The following GRM8 variants were observed in gnomAD, a reference collection of about 807,000 sequenced individuals.
GRM8 encodes glutamate metabotropic receptor 8.
A neutral mutation model predicts 87.2 loss-of-function variants in GRM8; 47 were observed. That is an observed-to-expected ratio of 0.54 (90% CI 0.43 to 0.69). The LOEUF (loss-of-function observed/expected upper bound fraction) is 0.69, where lower values mean the gene tolerates loss of function less well. GRM8 is among the 30% of genes least tolerant of loss of function. The pLI, the probability that GRM8 is intolerant of heterozygous loss-of-function variation, is 0.00. For synonymous variants in GRM8, 396 were observed against 404.5 expected (o/e 0.98, Z 0.25); for missense variants, 1,019 against 1,139.2 (o/e 0.89, Z 1.52).
At position 127,146,317 on chromosome 7, in the gene GRM8, G is replaced by A. The variant is rs1383078410; in HGVS notation, c.511-39605C>T. On this transcript the variant is annotated intron_variant, in intron 2 of 10. Transcript: ENST00000339582. ...ACATCAGGGGCACTCTGTCGCTGAA[G>A]AGAGTGTAGGAGATACTTGTGGCAT... Among the ~76,000 whole-genome samples the A allele has an allele frequency of 5.9e-5, 9 of 152,042 alleles. No individual in the cohort carries two copies. In the East Asian group the frequency reaches 1.2e-3, roughly 20 times the overall value.
intron 2 of GRM8, among the ~76,000 whole-genome samples, chr7:127,224,026 A>G (rs1797150809): frequency 6.6e-6 from 1 of 152,108 alleles, no homozygotes; most frequent in Non-Finnish European, 1.5e-5. Flanking sequence ...AACAATCAAA[A>G]TAAATTAGGC....
chr7:126,947,589 T>C (rs1807681889), intron 3 of GRM8, among the ~76,000 whole-genome samples: 1 of 152,014 alleles, frequency 6.6e-6, no homozygotes, highest in Non-Finnish European at 1.5e-5. Context: ...TATATACATA[T>C]ATATGTATAT....
intron 8 of GRM8, among the ~76,000 whole-genome samples, chr7:126,584,520 C>A (rs1022896004): frequency 1.3e-5 from 2 of 152,132 alleles, no homozygotes; most frequent in African/African-American, 4.8e-5. Context: ...CTGAATGTAA[C>A]CAAATTTTAG....
intron 6 of GRM8, among the ~76,000 whole-genome samples, chr7:126,823,543 G>A (rs961211939): frequency 6.6e-6 from 1 of 152,110 alleles, no homozygotes; most frequent in Admixed American, 6.5e-5. Context: ...GGCCACATAT[G>A]TAATTTTAAA....
chr7:126,910,622 C>T (rs1803183729), intron 3 of GRM8, among the ~76,000 whole-genome samples: 1 of 152,152 alleles, frequency 6.6e-6, no homozygotes, highest in Non-Finnish European at 1.5e-5. Flanking sequence ...GGATCTGCCT[C>T]CCAAAATAGT....
At chr7:127,072,121 T>C (rs1412959582) in intron 3 of GRM8, among the ~76,000 whole-genome samples, 2 of 152,064 alleles carry the variant, frequency 1.3e-5, no homozygotes, top group Non-Finnish European at 2.9e-5. Context: ...TCCACCATTC[T>C]GTGTAATATA....
chr7:126,997,514 A>G (rs570787945), intron 3 of GRM8, among the ~76,000 whole-genome samples: 1 of 151,388 alleles, frequency 6.6e-6, no homozygotes, highest in South Asian at 2.1e-4. Flanking sequence ...TTTTAAAGAT[A>G]AGCAAAATTG....
Position 127,033,813 on chromosome 7 carries a change from G to T in GRM8, c.727+72683C>A, listed in dbSNP as rs142504792. Among the ~76,000 whole-genome samples, 18 of 152,252 alleles carry T rather than the reference G, an allele frequency of 1.2e-4. No individual in the cohort carries two copies. In the East Asian group the frequency reaches 3.1e-3, roughly 26 times the overall value. On this transcript the variant is annotated intron_variant, in intron 3 of 10. Transcript: ENST00000339582. ...CATATAAATTCTGGACACATAAAAA[G>T]AATAGACTCCATTAATAATGAAAGC...
rs1389253951 is a variant in GRM8, at chr7:126,442,306, AAC to A, written c.2678-3140_2678-3139del. 2.6e-5 allele frequency among the ~76,000 whole-genome samples: 4 copies of A among 152,194 alleles called. No homozygotes were observed. In the South Asian group the frequency reaches 8.3e-4, roughly 32 times the overall value. On this transcript the variant is annotated intron_variant, in intron 10 of 10. Coordinates refer to ENST00000339582, the MANE Select transcript of GRM8 (RefSeq NM_000845.3). ...TTACATTTGGTTTGGTGTGAAGTGA[AAC>A]ACAATGATTTTCTATGATCACTCAC...
chr7:126,579,383 T>C (rs1795398544), intron 8 of GRM8, among the ~76,000 whole-genome samples: 1 of 152,214 alleles, frequency 6.6e-6, no homozygotes, highest in Non-Finnish European at 1.5e-5. Context: ...CATAAAAAAA[T>C]TCTTTTGATC....
intron 3 of GRM8, among the ~76,000 whole-genome samples, chr7:126,917,087 T>C (rs1803987170): frequency 6.6e-6 from 1 of 152,234 alleles, no homozygotes; most frequent in South Asian, 2.1e-4. Context: ...GGGATGATCC[T>C]ATCCTGGCCT....
At chr7:126,452,949 T>C (rs1221628845) in intron 9 of GRM8, among the ~76,000 whole-genome samples, 1 of 151,656 alleles carries the variant, frequency 6.6e-6, no homozygotes, top group African/African-American at 2.4e-5. Flanking sequence ...ATAGCTTTAT[T>C]GTCATTATTT....
chr7:126,649,276 C>T (rs1353288029), intron 7 of GRM8, among the ~76,000 whole-genome samples: 2 of 152,102 alleles, frequency 1.3e-5, no homozygotes, highest in Non-Finnish European at 2.9e-5. Flanking sequence ...GGCAGACCCA[C>T]CCTTAATATG....
intron 9 of GRM8, among the ~76,000 whole-genome samples, chr7:126,532,369 T>C (rs1221309912): frequency 6.6e-6 from 1 of 152,134 alleles, no homozygotes; most frequent in Admixed American, 6.5e-5. Flanking sequence ...AGTAAGATGG[T>C]TCAGACTGAA....
chr7:126,722,085 T>A (rs1305696461), intron 7 of GRM8, among the ~76,000 whole-genome samples: 2 of 152,140 alleles, frequency 1.3e-5, no homozygotes, highest in African/African-American at 4.8e-5. Context: ...TACTGTTCCA[T>A]CAAATCTGCA....
chr7:127,030,408 G>C (rs1384847118), intron 3 of GRM8, among the ~76,000 whole-genome samples: 1 of 152,074 alleles, frequency 6.6e-6, no homozygotes, highest in Admixed American at 6.6e-5. Context: ...TATTCCAGGG[G>C]CCAGTAGCAC....
At chr7:127,120,456 G>A (rs1316129097) in intron 2 of GRM8, among the ~76,000 whole-genome samples, 1 of 152,172 alleles carries the variant, frequency 6.6e-6, no homozygotes, top group African/African-American at 2.4e-5. Flanking sequence ...CACAGCATCA[G>A]CATCACCTGG....
chr7:126,759,571 C>T (rs896987588), intron 7 of GRM8, among the ~76,000 whole-genome samples: 6 of 152,146 alleles, frequency 3.9e-5, no homozygotes, highest in African/African-American at 1.4e-4. Context: ...GGACCTGGCA[C>T]TGCTGAAAAT....
chr7:126,731,912 A>G (rs949187341), intron 7 of GRM8, among the ~76,000 whole-genome samples: 2 of 151,984 alleles, frequency 1.3e-5, no homozygotes, highest in African/African-American at 4.8e-5. Flanking sequence ...TTTAAATGAG[A>G]TGTTCTTAAA....
Sources: gnomAD v4.1 joint callset for allele counts (sites outside exome capture counted in the v4.1 genomes callset) on GRCh38, gnomAD v4.1.1 for gene constraint, MANE v1.5 for transcripts, NCBI Gene and HGNC (gene_info 2026-07-23, HGNC 2026-07-21) for gene names.